DACH2: variants seen among roughly 807,000 people sequenced by gnomAD.
The protein encoded by DACH2 is dachshund family transcription factor 2, also known as dachshund homolog 2.
Under a neutral mutation model 35.8 loss-of-function variants are expected in DACH2, and 17 were observed. The observed-to-expected ratio is 0.48, with a 90% CI of 0.33 to 0.71. The LOEUF (loss-of-function observed/expected upper bound fraction) is 0.71, where lower values mean the gene tolerates loss of function less well. DACH2 is among the 30% of genes least tolerant of loss of function. DACH2 has a pLI of 0.02. For synonymous variants in DACH2, 195 were observed against 177.3 expected (o/e 1.10, Z -0.79); for missense variants, 469 against 472.7 (o/e 0.99, Z 0.07).
At chrX:86,274,066 A>G (rs2033861830) in intron 1 of DACH2, among the ~76,000 whole-genome samples, 1 of 111,955 alleles carries the variant, frequency 8.9e-6, no homozygotes, top group Non-Finnish European at 1.9e-5. Flanking sequence ...TCCCAACAGA[A>G]AGATAAATAT....
At chrX:86,374,327 C>G (rs987303706) in intron 1 of DACH2, among the ~76,000 whole-genome samples, 2 of 110,934 alleles carry the variant, frequency 1.8e-5, no homozygotes, top group Admixed American at 9.7e-5. Flanking sequence ...TTGACTAATT[C>G]TAAATAAAAC....
intron 1 of DACH2, among the ~76,000 whole-genome samples, chrX:86,186,978 T>C (rs774743761): frequency 8.9e-6 from 1 of 111,900 alleles, no homozygotes; most frequent in Admixed American, 9.5e-5. Context: ...ATTGGCAATT[T>C]GGGTAGAAAA....
chrX:86,166,368 C>T (rs746211730), intron 1 of DACH2, among the ~76,000 whole-genome samples: 1 of 110,853 alleles, frequency 9.0e-6, no homozygotes, highest in Admixed American at 9.6e-5. Flanking sequence ...TCAGATTGTT[C>T]ACTGTTGGCA....
At chrX:86,232,555 C>A (rs61485627) in intron 1 of DACH2, among the ~76,000 whole-genome samples, 8,840 of 111,020 alleles carry the variant, frequency 0.08, 860 homozygotes, top group African/African-American at 0.27. Flanking sequence ...AACACTTTAC[C>A]AAAGAAGACA....
At chrX:86,713,476 C>T (rs1399635514) in intron 5 of DACH2, among the ~76,000 whole-genome samples, 3 of 111,305 alleles carry the variant, frequency 2.7e-5, no homozygotes, top group Non-Finnish European at 3.8e-5. Flanking sequence ...AATACTTGTG[C>T]GCAGAATCAA....
chrX:86,796,548 C>A (rs1009196185), intron 7 of DACH2, among the ~76,000 whole-genome samples: 4 of 111,997 alleles, frequency 3.6e-5, no homozygotes, highest in African/African-American at 1.3e-4. Context: ...GAATTTAGGG[C>A]AGAAATTTTG....
chrX:86,813,644 ATAG>A (rs199886580), intron 9 of DACH2, among the ~76,000 whole-genome samples: 2 of 96,903 alleles, frequency 2.1e-5, no homozygotes, highest in Admixed American at 1.1e-4. Flanking sequence ...AATAATAATA[ATAG>A]TAATAATAAT....
chrX:86,728,338 G>T (rs1006208289), intron 6 of DACH2, among the ~76,000 whole-genome samples: 7 of 112,018 alleles, frequency 6.2e-5, no homozygotes, highest in East Asian at 2.8e-4. Context: ...TGGAAGCAAA[G>T]AAATAATGAA....
chrX:86,427,379 C>T (rs1224168687), intron 2 of DACH2, among the ~76,000 whole-genome samples: 1 of 111,180 alleles, frequency 9.0e-6, no homozygotes, highest in Non-Finnish European at 1.9e-5. Flanking sequence ...TTAGTTCCCC[C>T]ACTCGAGGGA....
chrX:86,317,992 G>A (rs2034945787), intron 1 of DACH2, among the ~76,000 whole-genome samples: 1 of 111,699 alleles, frequency 9.0e-6, no homozygotes, highest in Non-Finnish European at 1.9e-5. Flanking sequence ...TTCAGTCAAA[G>A]TCTTGGTAAA....
intron 1 of DACH2, among the ~76,000 whole-genome samples, chrX:86,270,602 A>C (rs1177278453): frequency 1.8e-5 from 2 of 112,324 alleles, no homozygotes; most frequent in Non-Finnish European, 3.8e-5. Context: ...TTAATTCCTC[A>C]ATAGTCATTG....
chrX:86,598,422 A>G (rs749603552), intron 3 of DACH2, among the ~76,000 whole-genome samples: 1 of 111,782 alleles, frequency 8.9e-6, no homozygotes, highest in South Asian at 3.7e-4. Context: ...TTGGTATCAC[A>G]CCCAGCTGTT....
intron 1 of DACH2, among the ~76,000 whole-genome samples, chrX:86,218,849 C>T (rs1223216926): frequency 2.7e-5 from 3 of 111,633 alleles, no homozygotes; most frequent in Admixed American, 9.5e-5. Context: ...AATACTTCCA[C>T]AGCTCCACCA....
intron 1 of DACH2, among the ~76,000 whole-genome samples, chrX:86,287,410 A>T (rs1188127530): frequency 1.8e-5 from 2 of 111,390 alleles, no homozygotes; most frequent in Admixed American, 1.9e-4. Flanking sequence ...CTTCCTGTAC[A>T]TCGATATTGA....
rs545240832 is a variant in DACH2, at chrX:86,512,074, G to T, written c.528-2205G>T. Among the ~76,000 whole-genome samples, 46 of 111,474 alleles carry T rather than the reference G, an allele frequency of 4.1e-4. 1 individual carries two copies. The highest frequency in any genetic ancestry group is 1.4e-3 in the African/African-American group (42 of 30,732). On this transcript the variant is annotated intron_variant, in intron 2 of 11. Coordinates refer to ENST00000373125, the MANE Select transcript of DACH2 (RefSeq NM_053281.3). ...AACTTTTTGCTGGATCTTACTTTCTGCTAGAAACCATGAGAATTGCTTAGG... is the reference window on the plus strand; with the variant it reads ...AACTTTTTGCTGGATCTTACTTTCTTCTAGAAACCATGAGAATTGCTTAGG...
At chrX:86,180,176 G>GTATATATATATGTATATATATA (rs2031435028) in intron 1 of DACH2, among the ~76,000 whole-genome samples, 5 of 42,930 alleles carry the variant, frequency 1.2e-4, no homozygotes, top group Non-Finnish European at 2.4e-4. Context: ...ATGCTAAACC[G>GTATATATATATGTATATATATA]TATATATATA....
chrX:86,477,140 A>G (rs748478886), intron 2 of DACH2, among the ~76,000 whole-genome samples: 15 of 109,588 alleles, frequency 1.4e-4, no homozygotes, highest in Middle Eastern at 4.7e-3. Flanking sequence ...AAAATGATCT[A>G]TAAAGATAGA....
At chrX:86,595,562 G>A (rs749012354) in intron 3 of DACH2, among the ~76,000 whole-genome samples, 1 of 111,081 alleles carries the variant, frequency 9.0e-6, no homozygotes, top group African/African-American at 3.3e-5. Flanking sequence ...CACTGTGACA[G>A]TGTCTGTCTT....
intron 4 of DACH2, among the ~76,000 whole-genome samples, chrX:86,694,560 G>A (rs1034033941): frequency 8.9e-6 from 1 of 112,184 alleles, no homozygotes; most frequent in Non-Finnish European, 1.9e-5. Flanking sequence ...TTGCTTCTCT[G>A]AGTGACCTGA....
Sources: allele counts gnomAD v4.1 joint callset (sites outside exome capture counted in the v4.1 genomes callset), GRCh38; gene constraint gnomAD v4.1.1; transcripts MANE v1.5; gene names NCBI Gene and HGNC (gene_info 2026-07-23, HGNC 2026-07-21).